TFIP11: variants seen among roughly 807,000 people sequenced by gnomAD.
TFIP11 encodes tuftelin-interacting protein 11.
A neutral mutation model predicts 96.8 loss-of-function variants in TFIP11; 86 were observed. That is an observed-to-expected ratio of 0.89 (90% CI 0.75 to 1.06). The LOEUF (loss-of-function observed/expected upper bound fraction) is 1.06. Among genes scored for constraint, TFIP11 ranks in the 50% least tolerant of loss-of-function variants. The pLI, the probability that TFIP11 is intolerant of heterozygous loss-of-function variation, is 0.00. For missense variants in TFIP11, 881 were observed against 1,076.7 expected (o/e 0.82, Z 2.54); for synonymous variants, 405 against 395.2 (o/e 1.02, Z -0.29).
chr22:26,494,497 T>G (rs1337632090), intron 13 of TFIP11, 193 bp from the exon 14 acceptor site: 1 of 740,288 alleles, frequency 1.4e-6, no homozygotes, highest in Non-Finnish European at 2.2e-6. Context: ...AAAGTGCCCT[T>G]GCATGTAAAC....
intron 14 of TFIP11, chr22:26,493,832 C>T (rs1422985143): frequency 6.0e-6 from 2 of 330,850 alleles, no homozygotes; most frequent in African/African-American, 4.2e-5. Context: ...ATGAATGAGC[C>T]TTAAAAGGCC....
chr22:26,494,864 T>C lies in TFIP11; in HGVS notation c.1925A>G (p.Glu642Gly). Reference protein sequence around the residue: ...MDAFYWVIDWEGMISVSSLVG... With the variant: ...MDAFYWVIDWGGMISVSSLVG... Reference sequence around the variant, plus strand: ...CAGGCTAGAGACAGAGATCATCCCTTCCCAGTCAATCACCCAATAGAATGC... The same window carrying C: ...CAGGCTAGAGACAGAGATCATCCCTCCCCAGTCAATCACCCAATAGAATGC... The change falls in exon 13 of 15, where the codon GAA (glutamate) becomes GGA (glycine). Residue 642 changes from glutamate (E) to glycine (G), a missense_variant. Glu to Gly is a moderately conservative substitution (Grantham distance 98). Transcript: ENST00000407690. 1 of 1,614,190 alleles carries C rather than the reference T, an allele frequency of 6.2e-7. No individual in the cohort carries two copies.
In TFIP11 at chr22:26,491,846, C is replaced by G. The variant is rs1164820357; in HGVS notation, c.*167G>C. On this transcript the variant is annotated 3_prime_UTR_variant, in exon 15 of 15. Transcript: ENST00000407690. ...AGGACTTGGTATAAAGATTCCTGCC[C>G]TACGTGGCATTGTCCCATTTTACAT... The G allele has an allele frequency of 2.2e-6, 2 of 926,234 alleles. No individual in the cohort carries two copies. The highest frequency in any genetic ancestry group is 3.2e-6 in the Non-Finnish European group (2 of 629,064). 57.4% of individuals were successfully genotyped at this position (926,234 alleles called of 1,614,324 possible).
chr22:26,503,722 T>C lies in TFIP11; in HGVS notation c.592A>G (p.Thr198Ala). The change falls in exon 7 of 15, where the codon ACC becomes GCC. Residue 198 changes from threonine (T) to alanine (A), a missense_variant. Thr to Ala is a moderately conservative substitution (Grantham distance 58, BLOSUM62 0). Coordinates refer to ENST00000407690, the MANE Select transcript of TFIP11 (RefSeq NM_012143.4). The part of the protein sequence containing the change: ...GAVGAYGSER[T>A]TQSMQDFPVV... ...GGGAAGTCTTGCATGGACTGAGTGG[T>C]GCGCTCGGATCCATAAGCCCCCACA... 3 of 1,614,056 alleles carry C rather than the reference T, an allele frequency of 1.9e-6. No individual in the cohort carries two copies. The highest frequency in any genetic ancestry group is 2.5e-6 in the Non-Finnish European group (3 of 1,180,004).
At chr22:26,511,843 G>A (rs1924102673) in intron 2 of TFIP11, 1 of 152,232 alleles carries the variant, frequency 6.6e-6, no homozygotes, top group Non-Finnish European at 1.5e-5. Flanking sequence ...GTTTAGGACA[G>A]AAGGATTTTC....
In TFIP11 at chr22:26,492,096, T is replaced by C; in HGVS notation, c.2431A>G (p.Ile811Val). ...TGGACAAAGACCACTCCCCGGTCGATGTAGATCACAATGCGGCCAAAGGTG... is the reference window on the plus strand; with the variant it reads ...TGGACAAAGACCACTCCCCGGTCGACGTAGATCACAATGCGGCCAAAGGTG... Reference protein sequence around the residue: ...LYTFGRIVIYIDRGVVFVQGE... With the variant: ...LYTFGRIVIYVDRGVVFVQGE... Residue 811 changes from isoleucine (I) to valine (V), a missense_variant, in exon 15 of 15, where the codon ATC becomes GTC. By Grantham distance (29) the Ile-to-Val change is conservative (BLOSUM62 3). Coordinates refer to ENST00000407690, the MANE Select transcript of TFIP11 (RefSeq NM_012143.4). 1 of 1,614,058 alleles carries C rather than the reference T, an allele frequency of 6.2e-7. No individual in the cohort carries two copies. Among genetic ancestry groups the C allele is most frequent in the Non-Finnish European group, 8.5e-7 (1 of 1,179,956 alleles).
At chr22:26,498,643 A>G in intron 10 of TFIP11, 1 of 480,252 alleles carries the variant, frequency 2.1e-6, no homozygotes, top group Non-Finnish European at 3.7e-6. Context: ...GAACTTACTC[A>G]TGTAACCAAA....
chr22:26,495,708 A>G (rs1030764228), intron 12 of TFIP11, among the ~76,000 whole-genome samples: 2 of 151,578 alleles, frequency 1.3e-5, no homozygotes, highest in Non-Finnish European at 1.5e-5. Flanking sequence ...GTGTATGTAT[A>G]TATATTTTTT....
At chr22:26,495,702 A>G (rs13057213) in intron 12 of TFIP11, among the ~76,000 whole-genome samples, 5 of 150,402 alleles carry the variant, frequency 3.3e-5, no homozygotes, top group African/African-American at 1.2e-4. Context: ...GTGTGTGTGT[A>G]TGTATATATA....
chr22:26,495,487 G>A (rs1921841266), intron 12 of TFIP11, among the ~76,000 whole-genome samples: 1 of 151,084 alleles, frequency 6.6e-6, no homozygotes, highest in African/African-American at 2.4e-5. Flanking sequence ...TGTTGCTCAG[G>A]CTGTAATCTG....
intron 10 of TFIP11, among the ~76,000 whole-genome samples, chr22:26,498,508 A>C (rs1012608395): frequency 2.8e-5 from 4 of 145,452 alleles, no homozygotes; most frequent in African/African-American, 5.2e-5. Context: ...ACGCCACTGC[A>C]CTCCAGCCTG....
chr22:26,506,378 T>G lies in TFIP11; in HGVS notation c.445A>C (p.Thr149Pro). 6.2e-7 allele frequency: 1 copy of G among 1,614,096 alleles called. No homozygotes were observed. The highest frequency in any genetic ancestry group is 8.5e-7 in the Non-Finnish European group (1 of 1,179,952). Residue 149 changes from threonine to proline, a missense_variant, in exon 6 of 15, where the codon ACA becomes CCA. By Grantham distance (38) the Thr-to-Pro change is conservative. Transcript: ENST00000407690. ...FMDFGSWERH[T>P]KGIGQKLLQK... is the part of the protein sequence containing the mutation. ...AGAAGCTTCTGTCCAATTCCTTTTG[T>G]GTGTCTTTCCCAGCTGCCGAAGTCC...
chr22:26,510,416 T>C (rs1216724788), intron 3 of TFIP11, 135 bp from the exon 4 acceptor site: 1 of 804,786 alleles, frequency 1.2e-6, no homozygotes, highest in African/African-American at 1.7e-5. Flanking sequence ...AGCATTACTA[T>C]TCAATAAAAA....
At chr22:26,507,979 C>G (rs958663248) in intron 4 of TFIP11, among the ~76,000 whole-genome samples, 2 of 152,122 alleles carry the variant, frequency 1.3e-5, no homozygotes, top group African/African-American at 4.8e-5. Flanking sequence ...TGGTGGCACA[C>G]GCCTGTAATC....
chr22:26,495,947 G>A, intron 12 of TFIP11, 126 bp downstream of exon 12: 4 of 1,366,322 alleles, frequency 2.9e-6, no homozygotes, highest in Non-Finnish European at 3.9e-6. Context: ...CTTTTTCACA[G>A]CAAGGAATAT....
chr22:26,505,379 T>C (rs1923269952), intron 6 of TFIP11, among the ~76,000 whole-genome samples: 1 of 152,200 alleles, frequency 6.6e-6, no homozygotes. Context: ...CATATGGCTC[T>C]AGCTATTACA....
At position 26,499,370 on chromosome 22, in the gene TFIP11, C is replaced by T. The variant is rs1475984249; in HGVS notation, c.1063G>A (p.Glu355Lys). 1 of 1,614,122 alleles carries T rather than the reference C, an allele frequency of 6.2e-7. No individual in the cohort carries two copies. The highest frequency in any genetic ancestry group is 2.2e-5 in the East Asian group (1 of 44,870). ...AGGACCTCGGTCATCTTCTCCAGCT[C>T]GTGGAAGAGGTTGACCACCATGTCC... ...ERDMVVNLFH[E>K]LEKMTEVLDH... The change falls in exon 9 of 15, where the codon GAG becomes AAG. Residue 355 changes from glutamate (E) to lysine (K), a missense_variant. By Grantham distance (56) the Glu-to-Lys change is moderately conservative. Transcript: ENST00000407690.
Position 26,496,110 on chromosome 22 carries a change from C to T in TFIP11, c.1812G>A (p.Trp604Ter), listed in dbSNP as rs377694383. Residue 604 changes from tryptophan to a stop codon, truncating the protein, a stop_gained, in exon 12 of 15, where the codon TGG becomes TGA. Coordinates refer to ENST00000407690, the MANE Select transcript of TFIP11 (RefSeq NM_012143.4). LOFTEE classifies it high-confidence loss of function. ...CTATGTTTTTGACCATGAATGCTTCCCAGGAGCCAGGAGTGAAGACATCCT... is the reference window on the plus strand; with the variant it reads ...CTATGTTTTTGACCATGAATGCTTCTCAGGAGCCAGGAGTGAAGACATCCT... ...PWKDVFTPGS[W>*]EAFMVKNIVP... 11 of 1,613,834 alleles carry T rather than the reference C, an allele frequency of 6.8e-6. No homozygotes were observed. The highest frequency in any genetic ancestry group is 9.3e-6 in the Non-Finnish European group (11 of 1,180,004).
chr22:26,492,358 C>CA lies in TFIP11; in HGVS notation c.2168dup (p.Met723IlefsTer33). ...CAATGTTCTCCCGTGCTCCTGGCTG[C>CA]ATGTAGGCACCTAAGATACAGGAGG... On this transcript the variant is annotated frameshift_variant, in exon 15 of 15. Coordinates refer to ENST00000407690, the MANE Select transcript of TFIP11 (RefSeq NM_012143.4). LOFTEE classifies it high-confidence loss of function. 6.2e-7 allele frequency: 1 copy of CA among 1,614,080 alleles called. No homozygotes were observed. Among genetic ancestry groups the CA allele is most frequent in the Non-Finnish European group, 8.5e-7 (1 of 1,179,970 alleles).
Sources: allele counts gnomAD v4.1 joint callset (sites outside exome capture counted in the v4.1 genomes callset), GRCh38; gene constraint gnomAD v4.1.1; transcripts MANE v1.5; gene names NCBI Gene and HGNC (gene_info 2026-07-23, HGNC 2026-07-21).